Variants in KDM4C observed in about 807,000 individuals in gnomAD.
The protein encoded by KDM4C is lysine-specific demethylase 4C.
Under a neutral mutation model 129.3 loss-of-function variants are expected in KDM4C, and 81 were observed. The ratio of observed to expected loss-of-function variants is 0.63; its 90% confidence interval spans 0.52 to 0.75. The LOEUF (loss-of-function observed/expected upper bound fraction) is 0.75, where lower values mean the gene tolerates loss of function less well. Ranked by LOEUF, KDM4C falls within the 30% of genes least tolerant of loss-of-function variation. The pLI is 0.00. For synonymous variants in KDM4C, 573 were observed against 456.1 expected, an observed-to-expected ratio of 1.26 and a Z score of -3.26; for missense variants, 1,457 against 1,304.0, an observed-to-expected ratio of 1.12 and a Z score of -1.81.
intron 20 of KDM4C, among the ~76,000 whole-genome samples, chr9:7,167,872 G>C (rs1437529477): frequency 6.6e-6 from 1 of 152,196 alleles, no homozygotes; most frequent in Non-Finnish European, 1.5e-5. Flanking sequence ...ATATCAGTTG[G>C]ACATTCTGTG....
intron 17 of KDM4C, among the ~76,000 whole-genome samples, chr9:7,054,712 A>G (rs944603950): frequency 1.3e-5 from 2 of 152,218 alleles, no homozygotes; most frequent in East Asian, 1.9e-4. Flanking sequence ...TGTTTATTGT[A>G]TACATTGATC....
chr9:7,059,632 A>G (rs952160942), intron 17 of KDM4C, among the ~76,000 whole-genome samples: 2 of 152,210 alleles, frequency 1.3e-5, no homozygotes, highest in Non-Finnish European at 2.9e-5. Context: ...CCAAGTATTT[A>G]TGTGTGTCAA....
In KDM4C at chr9:6,938,125, G is replaced by A. The variant is rs188165252; in HGVS notation, c.922-42800G>A. On this transcript the variant is annotated intron_variant, in intron 8 of 21. Transcript: ENST00000381309. ...ATTTAGTACTAATTAGATTTGCAAG[G>A]TATGCTCCAGATCACCTGCACTGCC... 2.6e-5 allele frequency among the ~76,000 whole-genome samples: 4 copies of A among 152,156 alleles called. No individual in the cohort carries two copies. In the East Asian group the frequency reaches 7.7e-4, roughly 29 times the overall value.
At chr9:7,166,686 T>G (rs1330296540) in intron 20 of KDM4C, among the ~76,000 whole-genome samples, 1 of 152,128 alleles carries the variant, frequency 6.6e-6, no homozygotes, top group East Asian at 1.9e-4. Context: ...AATTAAATAA[T>G]AAGTGCAAAA....
chr9:7,159,062 T>G (rs1012307165), intron 19 of KDM4C, among the ~76,000 whole-genome samples: 5 of 152,222 alleles, frequency 3.3e-5, no homozygotes, highest in African/African-American at 7.2e-5. Context: ...AGTTAGCTCT[T>G]TTTGTTGAAT....
chr9:7,004,879 G>A (rs149477505), intron 12 of KDM4C, among the ~76,000 whole-genome samples: 237 of 152,150 alleles, frequency 1.6e-3, no homozygotes, highest in Non-Finnish European at 2.5e-3. Context: ...TGGCTGCTGC[G>A]GGGTTCTGTC....
intron 18 of KDM4C, among the ~76,000 whole-genome samples, chr9:7,114,332 A>C (rs1838660440): frequency 1.3e-5 from 2 of 152,210 alleles, no homozygotes; most frequent in African/African-American, 4.8e-5. Flanking sequence ...CCTCAGGGAC[A>C]AAAACACAAA....
chr9:6,817,556 G>T (rs540120240), intron 4 of KDM4C, among the ~76,000 whole-genome samples: 1 of 151,710 alleles, frequency 6.6e-6, no homozygotes, highest in Non-Finnish European at 1.5e-5. Flanking sequence ...TTTTAAATAC[G>T]TATATGTTTG....
chr9:6,761,902 C>T lies in KDM4C; in HGVS notation c.-18+3699C>T, dbSNP rs1433583316. Among the ~76,000 whole-genome samples, 3 of 152,026 alleles carry T rather than the reference C, an allele frequency of 2.0e-5. No individual in the cohort carries two copies. The South Asian group carries it at 6.2e-4, about 32-fold the overall frequency. On this transcript the variant is annotated intron_variant, in intron 1 of 21. Transcript: ENST00000381309. Reference sequence around the variant, plus strand: ...TCTCGGCTCACTGCAACCTCCGACTCCCTGGAGTGATTCTCCTCCTCAGCC... The same window carrying T: ...TCTCGGCTCACTGCAACCTCCGACTTCCTGGAGTGATTCTCCTCCTCAGCC...
At chr9:7,021,448 C>T (rs981034905) in intron 15 of KDM4C, among the ~76,000 whole-genome samples, 3 of 151,964 alleles carry the variant, frequency 2.0e-5, no homozygotes, top group African/African-American at 4.8e-5. Context: ...CCTGGCCTGT[C>T]GTTTGCATAT....
At chr9:7,166,763 G>C (rs1304044138) in intron 20 of KDM4C, among the ~76,000 whole-genome samples, 1 of 152,164 alleles carries the variant, frequency 6.6e-6, no homozygotes, top group African/African-American at 2.4e-5. Flanking sequence ...AGAATATGTT[G>C]AAATTCAGGC....
At chr9:7,041,111 G>T (rs539231637) in intron 15 of KDM4C, among the ~76,000 whole-genome samples, 1 of 151,460 alleles carries the variant, frequency 6.6e-6, no homozygotes, top group Non-Finnish European at 1.5e-5. Context: ...TGTATCCATG[G>T]GTGGATATGT....
At chr9:7,167,576 C>T (rs1844518802) in intron 20 of KDM4C, among the ~76,000 whole-genome samples, 1 of 152,180 alleles carries the variant, frequency 6.6e-6, no homozygotes. Flanking sequence ...GTTAGCCCTC[C>T]CGGAAGTGAC....
chr9:6,794,179 A>G (rs912101350), intron 2 of KDM4C, among the ~76,000 whole-genome samples: 2 of 152,238 alleles, frequency 1.3e-5, no homozygotes, highest in Admixed American at 6.5e-5. Flanking sequence ...GCCAGGTGCT[A>G]GAGGTAGGGA....
intron 8 of KDM4C, among the ~76,000 whole-genome samples, chr9:6,943,899 C>A (rs141856009): frequency 1.3e-5 from 2 of 152,224 alleles, no homozygotes; most frequent in Non-Finnish European, 2.9e-5. Context: ...CTCATGCTTG[C>A]TAAATTCTGA....
At chr9:7,013,179 CAT>C (rs1490611785) in intron 13 of KDM4C, among the ~76,000 whole-genome samples, 2 of 151,920 alleles carry the variant, frequency 1.3e-5, no homozygotes, top group African/African-American at 2.4e-5. Flanking sequence ...CAGTATAAAA[CAT>C]AAAGTAATAT....
chr9:6,927,995 G>A (rs886993191), intron 8 of KDM4C, among the ~76,000 whole-genome samples: 3 of 151,952 alleles, frequency 2.0e-5, no homozygotes, highest in African/African-American at 4.8e-5. Flanking sequence ...TCTTATCTTG[G>A]CTCCCACACC....
chr9:6,981,068 A>T lies in KDM4C; in HGVS notation c.1065A>T (p.Glu355Asp), dbSNP rs773634109. 15 of 1,613,634 alleles carry T rather than the reference A, an allele frequency of 9.3e-6. No individual in the cohort carries two copies. Among genetic ancestry groups the T allele is most frequent in the Non-Finnish European group, 1.3e-5 (15 of 1,179,728 alleles). ...AGCCTACTCCAGCATCCACCCCTGAAGTAAAAGCATGGCTGCAGAGGAGGA... is the reference window on the plus strand; with the variant it reads ...AGCCTACTCCAGCATCCACCCCTGATGTAAAAGCATGGCTGCAGAGGAGGA... Reference protein sequence around the residue: ...HTKPTPASTPEVKAWLQRRRK... With the variant: ...HTKPTPASTPDVKAWLQRRRK... Residue 355 changes from glutamate to aspartate, a missense_variant, in exon 9 of 22, where the codon GAA becomes GAT. By Grantham distance (45) the Glu-to-Asp change is conservative. Coordinates refer to ENST00000381309, the MANE Select transcript of KDM4C (RefSeq NM_015061.6).
At chr9:6,994,606 CT>C (rs1162955698) in intron 12 of KDM4C, among the ~76,000 whole-genome samples, 1 of 152,174 alleles carries the variant, frequency 6.6e-6, no homozygotes, top group Non-Finnish European at 1.5e-5. Context: ...GCTTAAATCA[CT>C]TATGGATTCA....
Sources: gnomAD v4.1 joint callset for allele counts (sites outside exome capture counted in the v4.1 genomes callset) on GRCh38, gnomAD v4.1.1 for gene constraint, MANE v1.5 for transcripts, NCBI Gene and HGNC (gene_info 2026-07-23, HGNC 2026-07-21) for gene names.